FHIT: variants seen among roughly 807,000 people sequenced by gnomAD.
FHIT encodes the protein fragile histidine triad diadenosine triphosphatase, also known as bis(5'-adenosyl)-triphosphatase.
FHIT carries 19 observed loss-of-function variants against 17.9 expected under a neutral mutation model. The ratio of observed to expected loss-of-function variants is 1.06; its 90% CI spans 0.74 to 1.56. The LOEUF is 1.56. FHIT is among the 40% of genes most tolerant of loss of function. FHIT has a pLI of 0.00. For synonymous variants in FHIT, 81 were observed against 69.7 expected (o/e 1.16, Z -0.81); for missense variants, 248 against 189.2 (o/e 1.31, Z -1.82).
chr3:59,864,960 G>A (rs1702577251), intron 8 of FHIT, among the ~76,000 whole-genome samples: 1 of 152,074 alleles, frequency 6.6e-6, no homozygotes, highest in Non-Finnish European at 1.5e-5. Context: ...AGAGCTTCAG[G>A]CTCATAATTA....
intron 4 of FHIT, among the ~76,000 whole-genome samples, chr3:60,575,272 T>A (rs569957916): frequency 5.3e-5 from 8 of 152,230 alleles, no homozygotes; most frequent in African/African-American, 1.7e-4. Context: ...GAGAAAGGTA[T>A]GTCGGAAGGG....
intron 8 of FHIT, among the ~76,000 whole-genome samples, chr3:59,892,787 A>G (rs1322917644): frequency 2.6e-5 from 4 of 152,226 alleles, no homozygotes; most frequent in African/African-American, 9.6e-5. Flanking sequence ...CAAAGTGAAG[A>G]CTTGGTTCAA....
intron 3 of FHIT, among the ~76,000 whole-genome samples, chr3:60,847,385 G>C (rs553049007): frequency 1.3e-5 from 2 of 151,950 alleles, no homozygotes; most frequent in Middle Eastern, 3.4e-3. Flanking sequence ...GTTCCTAAGT[G>C]GGCATATGGT....
intron 4 of FHIT, among the ~76,000 whole-genome samples, chr3:60,568,873 G>C (rs1271136607): frequency 6.6e-6 from 1 of 151,980 alleles, no homozygotes; most frequent in East Asian, 1.9e-4. Flanking sequence ...ACTTATAAGA[G>C]ACAAAGCATT....
At chr3:60,867,057 C>G (rs782055770) in intron 3 of FHIT, among the ~76,000 whole-genome samples, 2 of 152,066 alleles carry the variant, frequency 1.3e-5, no homozygotes, top group Non-Finnish European at 2.9e-5. Context: ...CATGAGCCTA[C>G]AATAGTCTTT....
At chr3:60,998,989 C>T (rs1490081092) in intron 3 of FHIT, among the ~76,000 whole-genome samples, 3 of 151,906 alleles carry the variant, frequency 2.0e-5, no homozygotes, top group Admixed American at 6.6e-5. Context: ...TAAGGAGATA[C>T]GTGAAAGAGT....
intron 4 of FHIT, among the ~76,000 whole-genome samples, chr3:60,702,616 T>G (rs2041275538): frequency 6.6e-6 from 1 of 152,106 alleles, no homozygotes; most frequent in Non-Finnish European, 1.5e-5. Context: ...AGCTAACATG[T>G]TTTCTTAGTA....
chr3:60,115,997 T>C (rs1461470568), intron 5 of FHIT, among the ~76,000 whole-genome samples: 2 of 152,218 alleles, frequency 1.3e-5, no homozygotes, highest in Non-Finnish European at 2.9e-5. Flanking sequence ...TTTATTTCTC[T>C]CCATTTTTCA....
At chr3:59,967,725 T>C (rs1707991990) in intron 7 of FHIT, among the ~76,000 whole-genome samples, 1 of 151,864 alleles carries the variant, frequency 6.6e-6, no homozygotes, top group African/African-American at 2.4e-5. Context: ...GCCCAGTAGA[T>C]CCAAAGAATG....
intron 5 of FHIT, among the ~76,000 whole-genome samples, chr3:60,534,864 T>C (rs1399488194): frequency 6.6e-6 from 1 of 152,226 alleles, no homozygotes; most frequent in Non-Finnish European, 1.5e-5. Context: ...GATATTTTCC[T>C]AGACATAGAC....
intron 5 of FHIT, among the ~76,000 whole-genome samples, chr3:60,364,543 T>C (rs1700032673): frequency 6.6e-6 from 1 of 152,228 alleles, no homozygotes; most frequent in South Asian, 2.1e-4. Flanking sequence ...TGCTGTTACA[T>C]ATATTCTTTA....
chr3:59,776,155 C>T (rs562952921), intron 8 of FHIT, among the ~76,000 whole-genome samples: 2 of 152,222 alleles, frequency 1.3e-5, no homozygotes, highest in South Asian at 4.1e-4. Flanking sequence ...GGGCTGGAAG[C>T]CCTCCCCTTT....
chr3:60,337,243 T>A (rs1472180323), intron 5 of FHIT, among the ~76,000 whole-genome samples: 1 of 152,098 alleles, frequency 6.6e-6, no homozygotes. Context: ...GTGCCTTCTC[T>A]ATTTTTTTTT....
intron 8 of FHIT, among the ~76,000 whole-genome samples, chr3:59,839,961 T>C (rs1701471475): frequency 6.6e-6 from 1 of 152,232 alleles, no homozygotes; most frequent in Admixed American, 6.5e-5. Flanking sequence ...CTTCTTTTAC[T>C]GACTTTTCAG....
chr3:60,976,402 C>T (rs1000958494), intron 3 of FHIT, among the ~76,000 whole-genome samples: 19 of 152,036 alleles, frequency 1.2e-4, no homozygotes, highest in Admixed American at 4.6e-4. Context: ...CCACCACACC[C>T]GGCCTCAGAA....
chr3:61,104,720 T>C (rs2035940378), intron 2 of FHIT, among the ~76,000 whole-genome samples: 1 of 152,206 alleles, frequency 6.6e-6, no homozygotes, highest in Non-Finnish European at 1.5e-5. Context: ...ATCACAGATT[T>C]GGTCTCTTCA....
At chr3:60,503,594 A>G (rs2034609076) in intron 5 of FHIT, among the ~76,000 whole-genome samples, 1 of 152,188 alleles carries the variant, frequency 6.6e-6, no homozygotes, top group African/African-American at 2.4e-5. Flanking sequence ...GTTATGAAAC[A>G]AACTAAATAT....
chr3:60,675,643 A>T (rs2040606105), intron 4 of FHIT, among the ~76,000 whole-genome samples: 1 of 152,250 alleles, frequency 6.6e-6, no homozygotes, highest in African/African-American at 2.4e-5. Context: ...CCTAAGCAGT[A>T]GTCTGCTCTC....
At chr3:60,406,566 T>C (rs1365204067) in intron 5 of FHIT, among the ~76,000 whole-genome samples, 3 of 152,132 alleles carry the variant, frequency 2.0e-5, no homozygotes, top group Admixed American at 1.3e-4. Flanking sequence ...CACTGTATGT[T>C]TTGTGGATCA....
Sources: gnomAD v4.1 joint callset for allele counts (sites outside exome capture counted in the v4.1 genomes callset) on GRCh38, gnomAD v4.1.1 for gene constraint, MANE v1.5 for transcripts, NCBI Gene and HGNC (gene_info 2026-07-23, HGNC 2026-07-21) for gene names.